NELL1: variants seen among roughly 807,000 people sequenced by gnomAD.
NELL1 encodes protein kinase C-binding protein NELL1.
A neutral mutation model predicts 107.4 loss-of-function variants in NELL1; 76 were observed. The observed-to-expected ratio is 0.71, with a 90% CI of 0.59 to 0.86. The LOEUF (loss-of-function observed/expected upper bound fraction) is 0.86. NELL1 is among the 40% of genes least tolerant of loss of function. The pLI is 0.00. For synonymous variants in NELL1, 353 were observed against 341.2 expected (o/e 1.03, Z -0.38); for missense variants, 1,024 against 1,005.5 (o/e 1.02, Z -0.25).
At position 21,510,025 on chromosome 11, in the gene NELL1, G is replaced by A. The variant is rs186351294; in HGVS notation, c.1646-24349G>A. ...GTGCATGTACATGGTGATAACCCACGAACTGAAAAGCTCACTGAAATACCT... is the reference window on the plus strand; with the variant it reads ...GTGCATGTACATGGTGATAACCCACAAACTGAAAAGCTCACTGAAATACCT... On this transcript the variant is annotated intron_variant, in intron 15 of 19. Coordinates refer to ENST00000357134, the MANE Select transcript of NELL1 (RefSeq NM_006157.5). Among the ~76,000 whole-genome samples, 18 of 152,224 alleles carry A rather than the reference G, an allele frequency of 1.2e-4. No homozygotes were observed. The East Asian group carries it at 3.5e-3, about 29-fold the overall frequency.
intron 14 of NELL1, among the ~76,000 whole-genome samples, chr11:21,231,687 T>C (rs576672020): frequency 2.0e-5 from 3 of 152,310 alleles, no homozygotes; most frequent in Admixed American, 6.5e-5. Context: ...TTCACCTTCG[T>C]AGAATTTTGT....
At chr11:20,858,550 C>T (rs1564936869) in intron 4 of NELL1, among the ~76,000 whole-genome samples, 1 of 152,182 alleles carries the variant, frequency 6.6e-6, no homozygotes, top group South Asian at 2.1e-4. Flanking sequence ...TAGGACCAGG[C>T]CATATGGCTG....
At chr11:20,951,480 G>A (rs1324436422) in intron 11 of NELL1, among the ~76,000 whole-genome samples, 2 of 152,050 alleles carry the variant, frequency 1.3e-5, no homozygotes, top group Non-Finnish European at 2.9e-5. Context: ...CTGACTTATG[G>A]TGTTCACTGT....
intron 2 of NELL1, among the ~76,000 whole-genome samples, chr11:20,721,188 T>TAG (rs1487894895): frequency 2.8e-5 from 4 of 141,568 alleles, no homozygotes; most frequent in Non-Finnish European, 4.5e-5. Flanking sequence ...TGTGTATATA[T>TAG]ATATATATAG....
At chr11:20,760,693 C>T (rs949673996) in intron 2 of NELL1, among the ~76,000 whole-genome samples, 4 of 152,100 alleles carry the variant, frequency 2.6e-5, no homozygotes, top group African/African-American at 4.8e-5. Flanking sequence ...ATCTGGGATT[C>T]TTTGAAATAA....
At chr11:21,574,788 T>G (rs1857183691) in intron 19 of NELL1, among the ~76,000 whole-genome samples, 184 bp from the exon 20 acceptor site, 1 of 151,874 alleles carries the variant, frequency 6.6e-6, no homozygotes, top group Non-Finnish European at 1.5e-5. Context: ...GGAGGGTCTG[T>G]CAGTCCTTCC....
intron 12 of NELL1, among the ~76,000 whole-genome samples, chr11:21,025,897 T>C (rs1212000918): frequency 6.6e-6 from 1 of 152,180 alleles, no homozygotes; most frequent in African/African-American, 2.4e-5. Context: ...AAGGCAATTA[T>C]TCCAGTTGCT....
At chr11:21,488,223 A>G (rs558190519) in intron 15 of NELL1, among the ~76,000 whole-genome samples, 1 of 152,246 alleles carries the variant, frequency 6.6e-6, no homozygotes, top group Non-Finnish European at 1.5e-5. Flanking sequence ...CAGAGTATAC[A>G]TTCGTCTCAT....
At chr11:20,899,795 A>T (rs1315304242) in intron 5 of NELL1, among the ~76,000 whole-genome samples, 1 of 152,178 alleles carries the variant, frequency 6.6e-6, no homozygotes, top group Non-Finnish European at 1.5e-5. Context: ...GCAAAAATTA[A>T]AACAGTAGTA....
At chr11:21,388,277 T>A (rs1398568862) in intron 15 of NELL1, among the ~76,000 whole-genome samples, 1 of 151,774 alleles carries the variant, frequency 6.6e-6, no homozygotes, top group Admixed American at 6.6e-5. Flanking sequence ...CTGGGCATTT[T>A]TTGCCACTCA....
chr11:20,844,966 T>C (rs1291745873), intron 3 of NELL1, among the ~76,000 whole-genome samples: 1 of 152,214 alleles, frequency 6.6e-6, no homozygotes, highest in East Asian at 1.9e-4. Flanking sequence ...TTGCCTCACA[T>C]CTTTATTTGT....
At chr11:21,311,293 G>A (rs78819173) in intron 14 of NELL1, among the ~76,000 whole-genome samples, 2,839 of 152,076 alleles carry the variant, frequency 0.019, 90 homozygotes, top group African/African-American at 0.066. Context: ...TGTCTTTAAG[G>A]CGATTATTTT....
intron 13 of NELL1, among the ~76,000 whole-genome samples, chr11:21,185,011 TC>T (rs1350627758): frequency 6.6e-6 from 1 of 151,866 alleles, no homozygotes; most frequent in Non-Finnish European, 1.5e-5. Flanking sequence ...GAATTGCCCT[TC>T]CTTGAGCTTA....
chr11:21,362,503 C>T (rs1219344416), intron 14 of NELL1, among the ~76,000 whole-genome samples: 3 of 152,172 alleles, frequency 2.0e-5, no homozygotes, highest in African/African-American at 7.2e-5. Context: ...CACATAGACA[C>T]CCTTACGACT....
intron 13 of NELL1, among the ~76,000 whole-genome samples, chr11:21,142,398 A>G (rs1366726974): frequency 6.6e-6 from 1 of 152,192 alleles, no homozygotes. Flanking sequence ...CATTTCTCAA[A>G]TTCCCTTGCT....
At chr11:21,563,037 T>C (rs938308906) in intron 17 of NELL1, among the ~76,000 whole-genome samples, 2 of 152,054 alleles carry the variant, frequency 1.3e-5, no homozygotes, top group Admixed American at 6.6e-5. Flanking sequence ...TTTTTGTGCA[T>C]CTTTAGACAC....
At chr11:21,070,083 A>G (rs1010012881) in intron 12 of NELL1, among the ~76,000 whole-genome samples, 1 of 151,858 alleles carries the variant, frequency 6.6e-6, no homozygotes, top group Non-Finnish European at 1.5e-5. Flanking sequence ...GGGTTTGCTC[A>G]TCTCACACCT....
At chr11:21,039,367 G>A (rs372133587) in intron 12 of NELL1, among the ~76,000 whole-genome samples, 10 of 152,064 alleles carry the variant, frequency 6.6e-5, no homozygotes, top group East Asian at 5.8e-4. Flanking sequence ...TGTATTTTGA[G>A]TAGAGACGGG....
At chr11:21,274,125 C>G (rs374728934) in intron 14 of NELL1, among the ~76,000 whole-genome samples, 2 of 152,048 alleles carry the variant, frequency 1.3e-5, no homozygotes, top group African/African-American at 4.8e-5. Context: ...ATAAAGAGTC[C>G]AGACCCATCA....
Sources: gnomAD v4.1 joint callset for allele counts (sites outside exome capture counted in the v4.1 genomes callset) on GRCh38, gnomAD v4.1.1 for gene constraint, MANE v1.5 for transcripts, NCBI Gene and HGNC (gene_info 2026-07-23, HGNC 2026-07-21) for gene names.